ANKRD62: variants seen among roughly 807,000 people sequenced by gnomAD.
The protein encoded by ANKRD62 is ankyrin repeat domain 62, also known as ankyrin repeat domain-containing protein 62.
ANKRD62 carries 61 observed loss-of-function variants against 98.8 expected under a neutral mutation model. That is an observed-to-expected ratio of 0.62 (90% confidence interval 0.50 to 0.76). ANKRD62 has a LOEUF of 0.76. ANKRD62 is among the 30% of genes least tolerant of loss of function. The pLI, the probability that ANKRD62 is intolerant of heterozygous loss-of-function variation, is 0.00. For synonymous variants in ANKRD62, 341 were observed against 367.9 expected, an observed-to-expected ratio of 0.93 and a Z score of 0.84; for missense variants, 933 against 1,082.9, an observed-to-expected ratio of 0.86 and a Z score of 1.94.
chr18:12,146,430 G>T, the ANKRD62 span, among the ~76,000 whole-genome samples: 2 of 152,132 alleles, frequency 1.3e-5, no homozygotes, highest in Non-Finnish European at 2.9e-5. Context: ...TGAAAATGGG[G>T]CCAGACTTTT....
the ANKRD62 span, among the ~76,000 whole-genome samples, chr18:12,171,686 A>G: frequency 1.3e-5 from 2 of 151,930 alleles, no homozygotes; most frequent in Admixed American, 6.6e-5. Context: ...ATGTTGGCCT[A>G]TCTTGCTAGG....
chr18:12,138,617 C>T, the ANKRD62 span, among the ~76,000 whole-genome samples: 14 of 152,094 alleles, frequency 9.2e-5, no homozygotes, highest in African/African-American at 1.4e-4. Flanking sequence ...CTTTCTGTCT[C>T]GTTGATCTGT....
the ANKRD62 span, among the ~76,000 whole-genome samples, chr18:12,174,605 T>C: frequency 1.3e-5 from 2 of 152,234 alleles, no homozygotes; most frequent in African/African-American, 4.8e-5. Flanking sequence ...GTTCTTTCAC[T>C]GGTGTTTTCT....
intron 8 of ANKRD62, among the ~76,000 whole-genome samples, chr18:12,108,509 G>A (rs1406790595): frequency 6.6e-6 from 1 of 152,126 alleles, no homozygotes; most frequent in Non-Finnish European, 1.5e-5. Context: ...GACAGGTAGG[G>A]ATTATGATTT....
At chr18:12,153,247 G>A in the ANKRD62 span, among the ~76,000 whole-genome samples, 5 of 152,134 alleles carry the variant, frequency 3.3e-5, no homozygotes, top group Non-Finnish European at 7.3e-5. Flanking sequence ...AAAGCAATTT[G>A]TACACTCAAT....
At chr18:12,170,682 C>T in the ANKRD62 span, among the ~76,000 whole-genome samples, 1 of 152,084 alleles carries the variant, frequency 6.6e-6, no homozygotes, top group Admixed American at 6.6e-5. Flanking sequence ...TCCTGGATAT[C>T]CTTGTTAACC....
At chr18:12,139,714 C>A in the ANKRD62 span, among the ~76,000 whole-genome samples, 1 of 152,004 alleles carries the variant, frequency 6.6e-6, no homozygotes, top group South Asian at 2.1e-4. Flanking sequence ...GCTGAGAGAT[C>A]AGCTGTTAGT....
chr18:12,100,783 G>A (rs1909284262), intron 6 of ANKRD62, among the ~76,000 whole-genome samples: 1 of 152,076 alleles, frequency 6.6e-6, no homozygotes, highest in South Asian at 2.1e-4. Flanking sequence ...ACTTCGTTAG[G>A]GTGAGATTTG....
the ANKRD62 span, among the ~76,000 whole-genome samples, chr18:12,141,121 G>T: frequency 6.6e-6 from 1 of 152,240 alleles, no homozygotes; most frequent in African/African-American, 2.4e-5. Flanking sequence ...CTAGCAATGA[G>T]CGAGGCTCTG....
At chr18:12,112,473 G>A (rs978425486) in intron 8 of ANKRD62, among the ~76,000 whole-genome samples, 4 of 152,054 alleles carry the variant, frequency 2.6e-5, no homozygotes, top group African/African-American at 7.2e-5. Context: ...GGACAGGACC[G>A]TATTTAATAA....
the ANKRD62 span, among the ~76,000 whole-genome samples, chr18:12,161,090 A>G: frequency 6.6e-6 from 1 of 152,156 alleles, no homozygotes; most frequent in Admixed American, 6.5e-5. Flanking sequence ...AAATGTGTCT[A>G]CCTATTAAAC....
the ANKRD62 span, among the ~76,000 whole-genome samples, chr18:12,170,726 G>C: frequency 1.3e-5 from 2 of 152,120 alleles, no homozygotes; most frequent in Non-Finnish European, 2.9e-5. Context: ...AGTTGACAGT[G>C]GTGTGTTAAA....
At chr18:12,114,785 T>A (rs115197964) in intron 8 of ANKRD62, among the ~76,000 whole-genome samples, 1,773 of 152,294 alleles carry the variant, frequency 0.012, 32 homozygotes, top group African/African-American at 0.041. Flanking sequence ...CGTATTTTTT[T>A]ATCAAATACT....
the ANKRD62 span, among the ~76,000 whole-genome samples, chr18:12,170,396 T>C: frequency 6.6e-6 from 1 of 152,244 alleles, no homozygotes; most frequent in Admixed American, 6.5e-5. Context: ...TATCCAGTAG[T>C]CATTCAGAAG....
chr18:12,150,454 C>A, the ANKRD62 span, among the ~76,000 whole-genome samples: 1 of 152,112 alleles, frequency 6.6e-6, no homozygotes, highest in Non-Finnish European at 1.5e-5. Context: ...ACAGAGAACT[C>A]CTGCAAGATT....
At chr18:12,125,337 G>T in intron 12 of ANKRD62, 123 bp from the exon 13 acceptor site, 1 of 919,694 alleles carries the variant, frequency 1.1e-6, no homozygotes. Context: ...TTTCCAGTTG[G>T]ATATCCAGAT....
In ANKRD62 at chr18:12,096,305, A is replaced by G; in HGVS notation, c.614+3A>G. The G allele has an allele frequency of 2.0e-6, 3 of 1,491,838 alleles. No homozygotes were observed. The highest frequency in any genetic ancestry group is 4.9e-5 in the East Asian group (2 of 40,634). The allele number at this position is 1,491,838 out of a possible 1,614,324, so 92.4% of individuals were successfully genotyped here. A position where few individuals can be genotyped will look rare whatever the true frequency, so the allele number is the denominator to read the frequency against. ...ACTGCAATAGATAATTTTGGAAGGT[A>G]CAGTAGTTCTTTTTTTGTTCATTTT... is the stretch of plus-strand genomic sequence containing the variant. On this transcript the variant is annotated splice_donor_region_variant and intron_variant, in intron 4 of 13. Coordinates refer to ENST00000587848, the MANE Select transcript of ANKRD62 (RefSeq NM_001277333.2).
At chr18:12,151,440 C>T in the ANKRD62 span, among the ~76,000 whole-genome samples, 1 of 152,118 alleles carries the variant, frequency 6.6e-6, no homozygotes, top group African/African-American at 2.4e-5. Flanking sequence ...TCTGATAGAC[C>T]TCTACGTAAT....
At chr18:12,109,432 G>C (rs1377140600) in intron 8 of ANKRD62, among the ~76,000 whole-genome samples, 2 of 152,092 alleles carry the variant, frequency 1.3e-5, no homozygotes, top group African/African-American at 4.8e-5. Context: ...CCATGTCCCG[G>C]GTCTGCACAG....
Sources: allele counts gnomAD v4.1 joint callset (sites outside exome capture counted in the v4.1 genomes callset), GRCh38; gene constraint gnomAD v4.1.1; transcripts MANE v1.5; gene names NCBI Gene and HGNC (gene_info 2026-07-23, HGNC 2026-07-21).